Variants in NRP2 observed in about 807,000 individuals in gnomAD.
The protein encoded by NRP2 is neuropilin-2.
Under a neutral mutation model 110.4 loss-of-function variants are expected in NRP2, and 52 were observed. The ratio of observed to expected loss-of-function variants is 0.47; its 90% CI spans 0.38 to 0.59. The LOEUF is 0.59. Among genes scored for constraint, NRP2 ranks in the 20% least tolerant of loss-of-function variants. The pLI is 0.00. For missense variants in NRP2, 1,049 were observed against 1,203.0 expected, an observed-to-expected ratio of 0.87 and a Z score of 1.89; for synonymous variants, 508 against 468.9, an observed-to-expected ratio of 1.08 and a Z score of -1.08.
At chr2:205,727,825 GA>G (rs200956862) in intron 6 of NRP2, 65 bp from the exon 7 acceptor site, 3 of 1,510,630 alleles carry the variant, frequency 2.0e-6, no homozygotes, top group Non-Finnish European at 2.7e-6. Flanking sequence ...GTGTCCTTTG[GA>G]AAAAAACAAG....
At position 205,700,727 on chromosome 2, in the gene NRP2, T is replaced by C. The variant is rs73983222; in HGVS notation, c.251+3006T>C. On this transcript the variant is annotated intron_variant, in intron 2 of 16. Transcript: ENST00000357785. ...TGAAGCTTGCTGTCTGCTTGGAAAA[T>C]TTCACTCACAAGCCGCAGCTTTGCC... 7.7e-3 allele frequency: 3,987 copies of C among 518,910 alleles called. 143 individuals carry two copies. The highest frequency in any genetic ancestry group is 0.069 in the African/African-American group (3,568 of 52,058). 32.1% of individuals were successfully genotyped at this position (518,910 alleles called of 1,614,324 possible). A position where few individuals can be genotyped will look rare whatever the true frequency, so the allele number is the denominator to read the frequency against.
chr2:205,793,733 C>G (rs1177596728), intron 16 of NRP2, among the ~76,000 whole-genome samples: 1 of 152,120 alleles, frequency 6.6e-6, no homozygotes, highest in African/African-American at 2.4e-5. Context: ...AAAGGTCCAC[C>G]CTCATGACCT....
intron 12 of NRP2, among the ~76,000 whole-genome samples, chr2:205,761,176 C>T (rs962778644): frequency 1.3e-5 from 2 of 152,172 alleles, no homozygotes; most frequent in South Asian, 4.1e-4. Flanking sequence ...AGCTGATTCT[C>T]CTGTCCTCAT....
chr2:205,749,355 C>T (rs927654621), intron 10 of NRP2, among the ~76,000 whole-genome samples: 6 of 152,164 alleles, frequency 3.9e-5, no homozygotes, highest in South Asian at 2.1e-4. Flanking sequence ...TCCATATTCC[C>T]GTCCATCCAG....
intron 15 of NRP2, among the ~76,000 whole-genome samples, chr2:205,771,702 G>A (rs987988059): frequency 6.6e-6 from 1 of 152,184 alleles, no homozygotes; most frequent in Admixed American, 6.5e-5. Flanking sequence ...GAAATAGGAG[G>A]CAGAAAGGAA....
chr2:205,738,050 C>A (rs1187774916), intron 7 of NRP2, among the ~76,000 whole-genome samples: 1 of 152,210 alleles, frequency 6.6e-6, no homozygotes, highest in East Asian at 1.9e-4. Context: ...GCGTTGCCTG[C>A]CAAGGCTGAG....
intron 16 of NRP2, among the ~76,000 whole-genome samples, 192 bp from the exon 17 acceptor site, chr2:205,794,562 G>T (rs1367780346): frequency 6.6e-6 from 1 of 152,196 alleles, no homozygotes; most frequent in African/African-American, 2.4e-5. Flanking sequence ...GAAGCAAAGA[G>T]AGGTTCAATA....
chr2:205,715,575 C>T (rs190700928), intron 2 of NRP2, among the ~76,000 whole-genome samples: 132 of 152,210 alleles, frequency 8.7e-4, no homozygotes, highest in African/African-American at 9.6e-5. Context: ...CGGTGGCCCA[C>T]GGGTGGGGAG....
At position 205,747,916 on chromosome 2, in the gene NRP2, C is replaced by T. The variant is rs117367078; in HGVS notation, c.1787-1809C>T. Among the ~76,000 whole-genome samples, 103 of 152,290 alleles carry T rather than the reference C, an allele frequency of 6.8e-4. 2 individuals are homozygous for T. In the East Asian group the frequency reaches 0.02, roughly 29 times the overall value. On this transcript the variant is annotated intron_variant, in intron 10 of 16. Transcript: ENST00000357785. ...CCTGCCTGGCCATTCCTTGGAAGATCAGAGTTGAGGAGCGTTCCCCTCTGC... is the reference window on the plus strand; with the variant it reads ...CCTGCCTGGCCATTCCTTGGAAGATTAGAGTTGAGGAGCGTTCCCCTCTGC...
At chr2:205,734,392 T>TCCC (rs1575602094) in intron 7 of NRP2, among the ~76,000 whole-genome samples, 12 of 125,244 alleles carry the variant, frequency 9.6e-5, no homozygotes, top group African/African-American at 3.0e-4. Context: ...TCATATCATT[T>TCCC]CCCACCGCCC....
At position 205,723,277 on chromosome 2, in the gene NRP2, A is replaced by G. The variant is rs536674605; in HGVS notation, c.665-508A>G. Among the ~76,000 whole-genome samples, 4 of 152,352 alleles carry G rather than the reference A, an allele frequency of 2.6e-5. No individual in the cohort carries two copies. In the South Asian group the frequency reaches 6.2e-4, roughly 24 times the overall value. On this transcript the variant is annotated intron_variant, in intron 4 of 16. Coordinates refer to ENST00000357785, the MANE Select transcript of NRP2 (RefSeq NM_003872.3). ...GAAGACCAACATGGATCTTGGGTCT[A>G]ATTAGTATTGGAGAGGAACAAATCT...
At chr2:205,736,198 C>G (rs1205088685) in intron 7 of NRP2, among the ~76,000 whole-genome samples, 1 of 151,988 alleles carries the variant, frequency 6.6e-6, no homozygotes, top group Non-Finnish European at 1.5e-5. Context: ...AAAAATTAGC[C>G]AGGCTTGGTG....
chr2:205,725,850 T>G lies in NRP2; in HGVS notation c.821-63T>G. ...CTTGTCCCTAGAAGGGAGGCAGCAT[T>G]TGGGGGATCCCGAGGTATGAGGTTG... On this transcript the variant is annotated intron_variant, in intron 5 of 16. Coordinates refer to ENST00000357785, the MANE Select transcript of NRP2 (RefSeq NM_003872.3). The surrounding 1 kb of genome is among the most constrained non-coding windows in gnomAD (Gnocchi z 4.1). 2 of 1,576,386 alleles carry G rather than the reference T, an allele frequency of 1.3e-6. No individual in the cohort carries two copies. The highest frequency in any genetic ancestry group is 1.7e-6 in the Non-Finnish European group (2 of 1,147,526).
intron 2 of NRP2, among the ~76,000 whole-genome samples, chr2:205,709,770 T>A (rs1044257985): frequency 3.3e-5 from 5 of 152,314 alleles, no homozygotes; most frequent in Middle Eastern, 3.4e-3. Flanking sequence ...GTGTAGGCCC[T>A]AGGAGAAATC....
chr2:205,685,535 A>C (rs538956304), intron 1 of NRP2, among the ~76,000 whole-genome samples: 11 of 152,278 alleles, frequency 7.2e-5, no homozygotes, highest in Non-Finnish European at 1.5e-4. Context: ...CGCGCGGGGG[A>C]GCAACTGAGC....
At chr2:205,765,783 G>C in intron 14 of NRP2, 1 of 695,800 alleles carries the variant, frequency 1.4e-6, no homozygotes, top group Non-Finnish European at 2.7e-6. Flanking sequence ...TTATATCCCT[G>C]TTCCCAATCA....
rs199535645 is a variant in NRP2, at chr2:205,745,840, C to A, written c.1736C>A (p.Ser579Ter). The A allele has an allele frequency of 6.2e-7, 1 of 1,614,162 alleles. No homozygotes were observed. Among genetic ancestry groups the A allele is most frequent in the South Asian group, 1.1e-5 (1 of 91,074 alleles). ...QYVRVYPERWSPAGIGMRLEV... is the reference protein window; with the variant it reads ...QYVRVYPERW Reference sequence around the variant, plus strand: ...GTGCGGGTATACCCGGAGAGGTGGTCGCCGGCGGGGATTGGGATGCGGCTG... The same window carrying A: ...GTGCGGGTATACCCGGAGAGGTGGTAGCCGGCGGGGATTGGGATGCGGCTG... Residue 579 changes from serine to a stop codon, truncating the protein, a stop_gained, in exon 10 of 17, where the codon TCG becomes TAG. Transcript: ENST00000357785. LOFTEE classifies it high-confidence loss of function.
intron 5 of NRP2, among the ~76,000 whole-genome samples, chr2:205,724,750 T>A (rs1448481778): frequency 7.9e-6 from 1 of 127,362 alleles, no homozygotes; most frequent in East Asian, 2.7e-4. Flanking sequence ...CAGTGCAACC[T>A]CCACCTCCCG....
chr2:205,738,520 G>A (rs920172384), intron 7 of NRP2, among the ~76,000 whole-genome samples: 2 of 152,174 alleles, frequency 1.3e-5, no homozygotes, highest in African/African-American at 4.8e-5. Context: ...CCCTTTTTCA[G>A]TACGAAGGAA....
Sources: gnomAD v4.1 joint callset for allele counts (sites outside exome capture counted in the v4.1 genomes callset) on GRCh38, gnomAD v4.1.1 for gene constraint, Gnocchi (gnomAD v3.1) non-coding constraint, MANE v1.5 for transcripts, NCBI Gene and HGNC (gene_info 2026-07-23, HGNC 2026-07-21) for gene names.